C13orf46: variants seen among roughly 807,000 people sequenced by gnomAD.
C13orf46 encodes chromosome 13 open reading frame 46, also known as uncharacterized protein C13orf46.
intron 6 of C13orf46, among the ~76,000 whole-genome samples, chr13:113,963,376 C>CCT (rs2052605417): frequency 9.2e-6 from 1 of 108,358 alleles, no homozygotes; most frequent in Non-Finnish European, 2.0e-5. Flanking sequence ...CAGCCTCTCC[C>CCT]GTCCTCAGCC....
At chr13:113,952,955 G>A (rs1003325504), downstream of C13orf46, among the ~76,000 whole-genome samples, 1 of 152,202 alleles carries the variant, frequency 6.6e-6, no homozygotes, top group Non-Finnish European at 1.5e-5. Context: ...CGGGCTCTGC[G>A]GCGCGTAGAC....
chr13:113,946,803 G>A, the C13orf46 span, among the ~76,000 whole-genome samples: 1 of 152,270 alleles, frequency 6.6e-6, no homozygotes, highest in East Asian at 1.9e-4. Context: ...GGCCGAGGAG[G>A]AAACCTGCGC....
chr13:113,973,631 T>C (rs1340912258), intron 1 of C13orf46, among the ~76,000 whole-genome samples, 177 bp downstream of exon 1: 1 of 152,206 alleles, frequency 6.6e-6, no homozygotes, highest in Non-Finnish European at 1.5e-5. Flanking sequence ...CGTCAGGCCG[T>C]GCCCCGCCTT....
rs1188325815 is a variant in C13orf46 at position 113,957,796 on chromosome 13, C to G, written c.573-957G>C. ...GTTCTCCCCTGCACTCTGCCTGCAC[C>G]CCCTTTCATCAAGCACACTGGTGGG... On this transcript the variant is annotated intron_variant, in intron 6 of 6. Transcript: ENST00000636427. 3.4e-5 allele frequency among the ~76,000 whole-genome samples: 5 copies of G among 147,454 alleles called. No individual in the cohort carries two copies. The East Asian group carries it at 1.1e-3, about 31-fold the overall frequency.
chr13:113,959,605 C>T (rs946696223), intron 6 of C13orf46, among the ~76,000 whole-genome samples: 1 of 152,258 alleles, frequency 6.6e-6, no homozygotes, highest in South Asian at 2.1e-4. Flanking sequence ...CAGAAATGGT[C>T]AAAAATGGTG....
chr13:113,953,940 T>TG lies in C13orf46; in HGVS notation c.*2832dup, dbSNP rs1352858793. 3 of 152,334 alleles carry TG rather than the reference T, an allele frequency of 2.0e-5. No individual in the cohort carries two copies. The highest frequency in any genetic ancestry group is 4.4e-5 in the Non-Finnish European group (3 of 68,098). 9.4% of individuals were successfully genotyped at this position (152,334 alleles called of 1,614,324 possible). A position where few individuals can be genotyped will look rare whatever the true frequency, so the allele number is the denominator to read the frequency against. On this transcript the variant is annotated 3_prime_UTR_variant, in exon 7 of 7. Transcript: ENST00000636427. ...CCGGTTGTCTGGGAAATGATGACTC[T>TG]GGGGCCGATGGGCACTTATCTTCTG...
chr13:113,936,501 T>C, the C13orf46 span, among the ~76,000 whole-genome samples: 642 of 152,216 alleles, frequency 4.2e-3, 10 homozygotes, highest in East Asian at 0.05. Flanking sequence ...TTCAGACCCT[T>C]CCTCCCAGCA....
intron 5 of C13orf46, among the ~76,000 whole-genome samples, chr13:113,966,330 ATGG>A (rs1346539570): frequency 2.0e-5 from 3 of 149,474 alleles, no homozygotes; most frequent in East Asian, 4.1e-4. Flanking sequence ...GATGGGAATG[ATGG>A]TGGTGATGTG....
chr13:113,942,225 C>T, the C13orf46 span, among the ~76,000 whole-genome samples: 5 of 152,226 alleles, frequency 3.3e-5, no homozygotes, highest in African/African-American at 7.2e-5. Flanking sequence ...GCTGCTGTCG[C>T]CACTGGCCGG....
At position 113,954,374 on chromosome 13, in the gene C13orf46, A is replaced by AG. The variant is rs1395743291; in HGVS notation, c.*2398dup. 1 of 152,482 alleles carries AG rather than the reference A, an allele frequency of 6.6e-6. No homozygotes were observed. The highest frequency in any genetic ancestry group is 1.5e-5 in the Non-Finnish European group (1 of 68,270). 9.4% of individuals were successfully genotyped at this position (152,482 alleles called of 1,614,324 possible). A position where few individuals can be genotyped will look rare whatever the true frequency, so the allele number is the denominator to read the frequency against. On this transcript the variant is annotated 3_prime_UTR_variant, in exon 7 of 7. Transcript: ENST00000636427. ...ATGCACGTGTGCGTGTCTGAACGAG[A>AG]GGGCTCTGGGTGGATTCTGGTGAAA...
chr13:113,961,023 C>T (rs1317776856), intron 6 of C13orf46, among the ~76,000 whole-genome samples: 1 of 152,134 alleles, frequency 6.6e-6, no homozygotes, highest in Non-Finnish European at 1.5e-5. Flanking sequence ...CCTAAATTGC[C>T]TGTGAAGTCT....
At chr13:113,951,813 C>T (rs2138964612), downstream of C13orf46, among the ~76,000 whole-genome samples, 1 of 152,378 alleles carries the variant, frequency 6.6e-6, no homozygotes, top group Non-Finnish European at 1.5e-5. Context: ...GTCTACGACG[C>T]CCAGAGGGAA....
chr13:113,938,885 G>T, the C13orf46 span, among the ~76,000 whole-genome samples: 1 of 151,960 alleles, frequency 6.6e-6, no homozygotes, highest in Non-Finnish European at 1.5e-5. Context: ...CTCAGCTTGG[G>T]CCTCACGCCC....
chr13:113,961,649 G>A (rs2052587732), intron 6 of C13orf46, among the ~76,000 whole-genome samples: 1 of 152,036 alleles, frequency 6.6e-6, no homozygotes, highest in African/African-American at 2.4e-5. Context: ...ACAAAAAGGT[G>A]GGAAATATTA....
intron 6 of C13orf46, among the ~76,000 whole-genome samples, chr13:113,958,722 T>A (rs1373543386): frequency 1.3e-5 from 2 of 152,208 alleles, no homozygotes; most frequent in African/African-American, 4.8e-5. Flanking sequence ...AAAAGCTTTT[T>A]TTTCCTTAAT....
At chr13:113,966,404 GTGATGATGA>G (rs1193183908) in intron 5 of C13orf46, among the ~76,000 whole-genome samples, 1 of 150,220 alleles carries the variant, frequency 6.7e-6, no homozygotes, top group Non-Finnish European at 1.5e-5. Flanking sequence ...ATTAATGATG[GTGATGATGA>G]TGATGATGTG....
chr13:113,962,183 C>T (rs2052592539), intron 6 of C13orf46, among the ~76,000 whole-genome samples: 1 of 152,132 alleles, frequency 6.6e-6, no homozygotes, highest in Non-Finnish European at 1.5e-5. Context: ...GCAGGTGGAT[C>T]CTGAGGTCAG....
chr13:113,942,974 C>G, the C13orf46 span, among the ~76,000 whole-genome samples: 1 of 152,196 alleles, frequency 6.6e-6, no homozygotes, highest in African/African-American at 2.4e-5. Flanking sequence ...CTCTAAGGCC[C>G]GCTTGGTGGA....
At chr13:113,945,606 A>AGAGAGAGAGAG in the C13orf46 span, among the ~76,000 whole-genome samples, 8 of 33,582 alleles carry the variant, frequency 2.4e-4, no homozygotes, top group Admixed American at 2.2e-3. Context: ...AGAAAGAAAG[A>AGAGAGAGAGAG]AGAAAGAAAG....
Sources: allele counts gnomAD v4.1 joint callset (sites outside exome capture counted in the v4.1 genomes callset), GRCh38; gene constraint gnomAD v4.1.1; transcripts MANE v1.5; gene names NCBI Gene and HGNC (gene_info 2026-07-23, HGNC 2026-07-21).